Variants in PCDHGA1 observed in about 807,000 individuals in gnomAD.
PCDHGA1 encodes protocadherin gamma subfamily A, 1.
A neutral mutation model predicts 58.0 loss-of-function variants in PCDHGA1; 32 were observed. That is an observed-to-expected ratio of 0.55 (90% CI 0.42 to 0.74). PCDHGA1 has a LOEUF of 0.74. Among genes scored for constraint, PCDHGA1 ranks in the 30% least tolerant of loss-of-function variants. The probability of loss-of-function intolerance (pLI) is 0.00; values close to 1 mark genes in which losing one functional copy is unlikely to be tolerated. For synonymous variants in PCDHGA1, 498 were observed against 501.1 expected (o/e 0.99, Z 0.08); for missense variants, 1,205 against 1,182.3 (o/e 1.02, Z -0.28).
intron 2 of PCDHGA1, among the ~76,000 whole-genome samples, chr5:141,501,956 A>G (rs527567012): frequency 6.6e-6 from 1 of 152,136 alleles, no homozygotes; most frequent in Non-Finnish European, 1.5e-5. Context: ...GTGACAGGTC[A>G]TCCTCCTAAC....
At chr5:141,357,240 T>C in intron 1 of PCDHGA1, 1 of 1,613,702 alleles carries the variant, frequency 6.2e-7, no homozygotes, top group Non-Finnish European at 8.5e-7. Flanking sequence ...GCCTCAAGCC[T>C]TCAGCAGACC....
chr5:141,412,592 C>T (rs1472116158), intron 1 of PCDHGA1: 1 of 152,048 alleles, frequency 6.6e-6, no homozygotes, highest in African/African-American at 2.4e-5. Context: ...TGAATGTATA[C>T]TAAATAAAAT....
At chr5:141,347,642 C>T (rs557140762) in intron 1 of PCDHGA1, among the ~76,000 whole-genome samples, 15 of 152,128 alleles carry the variant, frequency 9.9e-5, no homozygotes, top group African/African-American at 3.6e-4. Flanking sequence ...CAAAAATTAG[C>T]TGGGCATGGT....
rs777634460 is a variant in PCDHGA1 at position 141,375,881 on chromosome 5, C to T, written c.2421+42776C>T. 4 of 1,613,818 alleles carry T rather than the reference C, an allele frequency of 2.5e-6. No individual in the cohort carries two copies. The South Asian group carries it at 4.4e-5, about 18-fold the overall frequency. ...GGTGGCGGTGGACAGAGACTCGGGC[C>T]AGAACGCCTGGCTGTCCTACCGCCT... On this transcript the variant is annotated intron_variant, in intron 1 of 3. Coordinates refer to ENST00000517417, the MANE Select transcript of PCDHGA1 (RefSeq NM_018912.3).
chr5:141,366,489 A>C (rs1280216684), intron 1 of PCDHGA1: 1 of 1,614,236 alleles, frequency 6.2e-7, no homozygotes, highest in Non-Finnish European at 8.5e-7. Flanking sequence ...AGGCGCTGGC[A>C]CAAGTCACGC....
rs1456184444 is a variant in PCDHGA1, at chr5:141,512,578, C to T, written c.*1405C>T. On this transcript the variant is annotated 3_prime_UTR_variant, in exon 4 of 4. Coordinates refer to ENST00000517417, the MANE Select transcript of PCDHGA1 (RefSeq NM_018912.3). ...ATAGACCTTCTTCTCCCACCCCCTT[C>T]TGCCCCTGGGTCCCCGGCCATCCAG... is the stretch of plus-strand genomic sequence containing the variant. 1 of 152,944 alleles carries T rather than the reference C, an allele frequency of 6.5e-6. No homozygotes were observed. The highest frequency in any genetic ancestry group is 1.5e-5 in the Non-Finnish European group (1 of 68,542). 9.5% of individuals were successfully genotyped at this position (152,944 alleles called of 1,614,324 possible). A position where few individuals can be genotyped will look rare whatever the true frequency, so the allele number is the denominator to read the frequency against.
intron 1 of PCDHGA1, among the ~76,000 whole-genome samples, chr5:141,438,788 A>G (rs1024095720): frequency 3.3e-5 from 5 of 149,742 alleles, no homozygotes; most frequent in Non-Finnish European, 7.4e-5. Flanking sequence ...CAGCCTCTCC[A>G]GTAGCTGGGA....
rs1173627393 is a variant in PCDHGA1 at position 141,487,102 on chromosome 5, G to A, written c.2422-7705G>A. ...CAGCTGACCTCCCACCACAGAAGCT[G>A]GTCATTGTGGTAAAGGATAGTGGTA... On this transcript the variant is annotated intron_variant, in intron 1 of 3. Coordinates refer to ENST00000517417, the MANE Select transcript of PCDHGA1 (RefSeq NM_018912.3). This position sits in a 1 kb window ranked among gnomAD's most constrained non-coding sequence, Gnocchi z 5.0. 1 of 1,613,900 alleles carries A rather than the reference G, an allele frequency of 6.2e-7. No homozygotes were observed.
chr5:141,389,346 T>G (rs779015878), intron 1 of PCDHGA1: 1 of 1,613,984 alleles, frequency 6.2e-7, no homozygotes. Flanking sequence ...AGTCTCTTAC[T>G]GCATCATGGC....
chr5:141,373,718 CA>C, intron 1 of PCDHGA1, among the ~76,000 whole-genome samples: 1 of 152,310 alleles, frequency 6.6e-6, no homozygotes, highest in East Asian at 1.9e-4. Context: ...TAATCTCTTA[CA>C]CTCTTCTAAA....
chr5:141,490,106 T>C lies in PCDHGA1; in HGVS notation c.2422-4701T>C, dbSNP rs1314489019. On this transcript the variant is annotated intron_variant, in intron 1 of 3. Coordinates refer to ENST00000517417, the MANE Select transcript of PCDHGA1 (RefSeq NM_018912.3). The surrounding 1 kb of genome is among the most constrained non-coding windows in gnomAD (Gnocchi z 5.4). ...TTTGGAGACCACACATCTGAGGCAG[T>C]GCGGAACCTCTTTGGCCTAGACCCT... 2.5e-6 allele frequency: 4 copies of C among 1,614,246 alleles called. No homozygotes were observed. Among genetic ancestry groups the C allele is most frequent in the South Asian group, 1.1e-5 (1 of 91,086 alleles).
chr5:141,409,034 A>C, intron 1 of PCDHGA1: 1 of 1,613,992 alleles, frequency 6.2e-7, no homozygotes, highest in Non-Finnish European at 8.5e-7. Context: ...TGCTGAGATA[A>C]ACTACTACTT....
chr5:141,356,361 A>G, intron 1 of PCDHGA1: 1 of 1,558,136 alleles, frequency 6.4e-7, no homozygotes, highest in Non-Finnish European at 8.7e-7. Flanking sequence ...GTTCTATTCC[A>G]GATAATCTGC....
At position 141,432,394 on chromosome 5, in the gene PCDHGA1, C is replaced by G; in HGVS notation, c.2422-62413C>G. 1 of 1,614,260 alleles carries G rather than the reference C, an allele frequency of 6.2e-7. No individual in the cohort carries two copies. The highest frequency in any genetic ancestry group is 8.5e-7 in the Non-Finnish European group (1 of 1,180,050). On this transcript the variant is annotated intron_variant, in intron 1 of 3. Transcript: ENST00000517417. This position sits in a 1 kb window ranked among gnomAD's most constrained non-coding sequence, Gnocchi z 6.0. The stretch of plus-strand genomic sequence containing the variant: ...ACGGGCACCCGCCCCTCAGCAGCAA[C>G]GTGTCGTTGAGCCTGTTCGTGCTGG...
chr5:141,418,411 C>T, intron 1 of PCDHGA1: 1 of 1,613,986 alleles, frequency 6.2e-7, no homozygotes, highest in East Asian at 2.2e-5. Flanking sequence ...TGGAGAAAGA[C>T]AATCCTGATG....
chr5:141,490,686 C>T lies in PCDHGA1; in HGVS notation c.2422-4121C>T. The T allele has an allele frequency of 3.7e-6, 6 of 1,614,196 alleles. No homozygotes were observed. The highest frequency in any genetic ancestry group is 5.1e-6 in the Non-Finnish European group (6 of 1,180,014). ...GCACTGTGGCTGCCTCAGATCCAGA[C>T]ACTGGGGATAATGCCCGCCTCACCT... On this transcript the variant is annotated intron_variant, in intron 1 of 3. Coordinates refer to ENST00000517417, the MANE Select transcript of PCDHGA1 (RefSeq NM_018912.3). This position sits in a 1 kb window ranked among gnomAD's most constrained non-coding sequence, Gnocchi z 5.4.
At chr5:141,408,598 A>G (rs1391583761) in intron 1 of PCDHGA1, 1 of 1,614,070 alleles carries the variant, frequency 6.2e-7, no homozygotes, top group Admixed American at 1.7e-5. Flanking sequence ...ACGCCCCTCA[A>G]TTTGATAAAA....
intron 1 of PCDHGA1, chr5:141,370,241 T>A (rs1442707721): frequency 4.8e-6 from 3 of 626,086 alleles, no homozygotes; most frequent in Non-Finnish European, 7.8e-6. Flanking sequence ...GGAAGAAAAG[T>A]GCACTCTCTA....
At chr5:141,371,184 G>C in intron 1 of PCDHGA1, 1 of 1,614,032 alleles carries the variant, frequency 6.2e-7, no homozygotes, top group Non-Finnish European at 8.5e-7. Context: ...CGTATTAAAA[G>C]TGATGGCCAT....
Sources: allele counts gnomAD v4.1 joint callset (sites outside exome capture counted in the v4.1 genomes callset), GRCh38; gene constraint gnomAD v4.1.1; non-coding constraint Gnocchi (gnomAD v3.1); transcripts MANE v1.5; gene names NCBI Gene and HGNC (gene_info 2026-07-23, HGNC 2026-07-21).